HERC3: variants seen among roughly 807,000 people sequenced by gnomAD.
The protein encoded by HERC3 is HECT and RLD domain containing E3 ubiquitin protein ligase 3.
A neutral mutation model predicts 129.9 loss-of-function variants in HERC3; 58 were observed. That is an observed-to-expected ratio of 0.45 (90% CI 0.36 to 0.56). HERC3 has a LOEUF of 0.56. Among genes scored for constraint, HERC3 ranks in the 20% least tolerant of loss-of-function variants. The pLI, the probability that HERC3 is intolerant of heterozygous loss-of-function variation, is 0.00. For synonymous variants in HERC3, 430 were observed against 451.0 expected (o/e 0.95, Z 0.59); for missense variants, 835 against 1,244.2 (o/e 0.67, Z 4.95).
chr4:88,622,750 G>C (rs952295507), intron 3 of HERC3, among the ~76,000 whole-genome samples: 1 of 152,118 alleles, frequency 6.6e-6, no homozygotes, highest in African/African-American at 2.4e-5. Context: ...CCAACATGGT[G>C]AAACCCCATT....
the HERC3 span, among the ~76,000 whole-genome samples, chr4:88,586,611 C>T: frequency 2.6e-5 from 4 of 151,910 alleles, no homozygotes; most frequent in South Asian, 2.1e-4. Flanking sequence ...CACCCGCCTC[C>T]GCCTCCCAAA....
the HERC3 span, among the ~76,000 whole-genome samples, chr4:88,559,576 A>G: frequency 6.6e-6 from 1 of 152,214 alleles, no homozygotes; most frequent in African/African-American, 2.4e-5. Context: ...TTCCCTTAGC[A>G]TAAGTCCAGT....
the HERC3 span, among the ~76,000 whole-genome samples, chr4:88,561,710 T>C: frequency 6.6e-6 from 1 of 152,106 alleles, no homozygotes; most frequent in Non-Finnish European, 1.5e-5. Flanking sequence ...TCCATCTCCA[T>C]GAGTTCAATT....
chr4:88,582,052 T>C, the HERC3 span, among the ~76,000 whole-genome samples: 3 of 152,166 alleles, frequency 2.0e-5, no homozygotes, highest in Admixed American at 1.3e-4. Context: ...ACTAAAGACA[T>C]CCTTCTCAAT....
At chr4:88,584,593 G>A in the HERC3 span, among the ~76,000 whole-genome samples, 2 of 152,218 alleles carry the variant, frequency 1.3e-5, no homozygotes, top group Non-Finnish European at 2.9e-5. Flanking sequence ...CACAGCGGGG[G>A]ATTAAGGCCA....
chr4:88,534,290 G>T, the HERC3 span, among the ~76,000 whole-genome samples: 51 of 152,294 alleles, frequency 3.3e-4, no homozygotes, highest in African/African-American at 1.2e-3. Flanking sequence ...ATTTTTGATG[G>T]TTACAACTGG....
At chr4:88,536,442 A>G in the HERC3 span, among the ~76,000 whole-genome samples, 1 of 152,220 alleles carries the variant, frequency 6.6e-6, no homozygotes, top group East Asian at 1.9e-4. Context: ...ACAGTAAACT[A>G]CCCTACCCCG....
At chr4:88,565,682 C>G in the HERC3 span, among the ~76,000 whole-genome samples, 1 of 152,076 alleles carries the variant, frequency 6.6e-6, no homozygotes, top group Non-Finnish European at 1.5e-5. Flanking sequence ...CATTCAGCCA[C>G]TCTATTTCTT....
rs931514705 is a variant in HERC3, at chr4:88,670,470, G to C, written c.1911+218G>C. Among the ~76,000 whole-genome samples, 3 of 152,210 alleles carry C rather than the reference G, an allele frequency of 2.0e-5. No homozygotes were observed. The South Asian group carries it at 6.2e-4, about 32-fold the overall frequency. Reference sequence around the variant, plus strand: ...ACCCAGAATGTTACACATTTTATCAGTTGCCCCCTTTAAAAAAATCAGAGT... The same window carrying C: ...ACCCAGAATGTTACACATTTTATCACTTGCCCCCTTTAAAAAAATCAGAGT... On this transcript the variant is annotated intron_variant, in intron 16 of 25. Transcript: ENST00000402738.
At chr4:88,604,845 T>C (rs964531925) in intron 2 of HERC3, among the ~76,000 whole-genome samples, 4 of 152,244 alleles carry the variant, frequency 2.6e-5, no homozygotes, top group Non-Finnish European at 5.9e-5. Context: ...CAGACATTTT[T>C]ATAAGCCAAT....
At chr4:88,545,129 G>C in the HERC3 span, among the ~76,000 whole-genome samples, 1 of 152,054 alleles carries the variant, frequency 6.6e-6, no homozygotes, top group African/African-American at 2.4e-5. Flanking sequence ...TGGTAAGGGG[G>C]ACACAGTCCT....
rs1731469577 is a variant in HERC3 at position 88,670,226 on chromosome 4, A to C, written c.1885A>C (p.Met629Leu). ...NLVDIQEDYL[M>L]WFLHQAGMKA... ...CGTGGACATTCAGGAAGACTACCTC[A>C]TGTGGTTCTTGCATCAAGCAGGGAT... Residue 629 changes from methionine (M) to leucine (L), a missense_variant, in exon 16 of 26, where the codon ATG becomes CTG. Transcript: ENST00000402738. The C allele has an allele frequency of 1.2e-6, 2 of 1,611,578 alleles. No homozygotes were observed. The highest frequency in any genetic ancestry group is 1.7e-6 in the Non-Finnish European group (2 of 1,177,750).
At chr4:88,536,347 CA>C in the HERC3 span, among the ~76,000 whole-genome samples, 3 of 152,180 alleles carry the variant, frequency 2.0e-5, no homozygotes, top group Admixed American at 1.3e-4. Context: ...AGACCCAATT[CA>C]AACACAGACA....
intron 14 of HERC3, among the ~76,000 whole-genome samples, chr4:88,669,213 G>A (rs759441077): frequency 6.6e-6 from 1 of 151,900 alleles, no homozygotes; most frequent in Non-Finnish European, 1.5e-5. Context: ...TCTGTCCCTC[G>A]CCCTCACCAC....
chr4:88,655,699 G>A (rs1729815797), intron 8 of HERC3, among the ~76,000 whole-genome samples, 176 bp from the exon 9 acceptor site: 3 of 152,188 alleles, frequency 2.0e-5, no homozygotes, highest in African/African-American at 7.2e-5. Context: ...ATGATCTAGA[G>A]TGTTAGAGGA....
chr4:88,582,403 G>A, the HERC3 span, among the ~76,000 whole-genome samples: 7 of 152,052 alleles, frequency 4.6e-5, no homozygotes, highest in East Asian at 1.9e-4. Flanking sequence ...TGAGTGCTTC[G>A]AACAAAAGAG....
chr4:88,561,636 C>T, the HERC3 span, among the ~76,000 whole-genome samples: 1 of 152,154 alleles, frequency 6.6e-6, no homozygotes, highest in Non-Finnish European at 1.5e-5. Context: ...GTACTCATTA[C>T]CTATCTTCAC....
At chr4:88,581,310 T>A in the HERC3 span, among the ~76,000 whole-genome samples, 9,880 of 150,530 alleles carry the variant, frequency 0.066, 335 homozygotes, top group African/African-American at 0.083. Flanking sequence ...TATTATTATT[T>A]TTTTTTTGAG....
the HERC3 span, among the ~76,000 whole-genome samples, chr4:88,529,371 C>T: frequency 1.3e-5 from 2 of 152,246 alleles, no homozygotes. Flanking sequence ...GAAGGAGGAT[C>T]ACTTGGGCCT....
Sources: allele counts gnomAD v4.1 joint callset (sites outside exome capture counted in the v4.1 genomes callset), GRCh38; gene constraint gnomAD v4.1.1; transcripts MANE v1.5; gene names NCBI Gene and HGNC (gene_info 2026-07-23, HGNC 2026-07-21).